The following EPB41L4B variants were observed in gnomAD, a reference collection of about 807,000 sequenced individuals.
EPB41L4B encodes the protein band 4.1-like protein 4B.
Under a neutral mutation model 112.5 loss-of-function variants are expected in EPB41L4B, and 30 were observed. The observed-to-expected ratio is 0.27, with a 90% confidence interval of 0.20 to 0.36. The LOEUF is 0.36. Among genes scored for constraint, EPB41L4B ranks in the 10% least tolerant of loss-of-function variants. The probability of loss-of-function intolerance (pLI) is 1.00; values close to 1 mark genes in which losing one functional copy is unlikely to be tolerated. For missense variants in EPB41L4B, 1,024 were observed against 1,133.3 expected, an observed-to-expected ratio of 0.90 and a Z score of 1.38; for synonymous variants, 408 against 439.7, an observed-to-expected ratio of 0.93 and a Z score of 0.90.
intron 11 of EPB41L4B, among the ~76,000 whole-genome samples, chr9:109,255,194 C>T (rs577295758): frequency 2.2e-4 from 33 of 152,266 alleles, no homozygotes; most frequent in Non-Finnish European, 2.2e-4. Context: ...ATATGACTAG[C>T]GATACTGAAG....
At chr9:109,262,454 T>TGG (rs1446850162) in intron 6 of EPB41L4B, among the ~76,000 whole-genome samples, 6 of 149,738 alleles carry the variant, frequency 4.0e-5, no homozygotes, top group African/African-American at 1.5e-4. Flanking sequence ...TGTGTGGGGG[T>TGG]GTGTGTGTGT....
intron 10 of EPB41L4B, 25 bp from the exon 11 acceptor site, chr9:109,255,705 C>T (rs764257171): frequency 1.3e-5 from 21 of 1,610,432 alleles, no homozygotes; most frequent in South Asian, 1.2e-4. Context: ...ACAAGGGCCT[C>T]GAGTGGGCGT....
chr9:109,214,144 A>G (rs1383858979), intron 16 of EPB41L4B, among the ~76,000 whole-genome samples: 2 of 152,236 alleles, frequency 1.3e-5, no homozygotes, highest in Non-Finnish European at 2.9e-5. Context: ...TCATTTATGT[A>G]TAAATGCTTT....
At chr9:109,213,655 T>A in intron 17 of EPB41L4B, 45 bp downstream of exon 17, 1 of 1,537,904 alleles carries the variant, frequency 6.5e-7, no homozygotes, top group Middle Eastern at 2.1e-4. Flanking sequence ...AGGTTTGATG[T>A]CAGCACCAAG....
intron 25 of EPB41L4B, 91 bp downstream of exon 25, chr9:109,176,460 G>A: frequency 2.2e-6 from 3 of 1,360,920 alleles, no homozygotes. Flanking sequence ...TGTAGGAAAG[G>A]CCTGTACGTG....
At chr9:109,274,748 G>A (rs117995526) in intron 2 of EPB41L4B, among the ~76,000 whole-genome samples, 1 of 152,334 alleles carries the variant, frequency 6.6e-6, no homozygotes, top group Non-Finnish European at 1.5e-5. Context: ...CTGAATCCTG[G>A]CTTTAACCTT....
Position 109,255,591 on chromosome 9 carries a change from T to C in EPB41L4B, c.1089A>G (p.Ala363=), listed in dbSNP as rs371096968. 8 of 1,614,216 alleles carry C rather than the reference T, an allele frequency of 5.0e-6. No homozygotes were observed. The highest frequency in any genetic ancestry group is 2.7e-5 in the African/African-American group (2 of 75,066). The change falls in exon 11 of 26, where the codon GCA becomes GCG. Residue 363 remains alanine, a synonymous_variant. Coordinates refer to ENST00000374566, the MANE Select transcript of EPB41L4B (RefSeq NM_019114.5). ...TTCCTGGCGTCCGCAGTCGGAAGAA[T>C]GCGTGGTGCTCAACTGCACACTTCC... ...HLWKCAVEHH[A]FFRLRTPGNS...
At chr9:109,220,971 C>T (rs1172994702) in intron 15 of EPB41L4B, among the ~76,000 whole-genome samples, 2 of 152,120 alleles carry the variant, frequency 1.3e-5, no homozygotes, top group Non-Finnish European at 2.9e-5. Context: ...TTAGTTCCGC[C>T]CCTACTTTGC....
At chr9:109,287,332 G>C (rs1352127389) in intron 1 of EPB41L4B, among the ~76,000 whole-genome samples, 1 of 152,182 alleles carries the variant, frequency 6.6e-6, no homozygotes, top group African/African-American at 2.4e-5. Flanking sequence ...TGCTGACAAT[G>C]TCTGACTGCA....
Position 109,230,854 on chromosome 9 carries a change from C to CT in EPB41L4B, c.1409+12763dup, listed in dbSNP as rs574157655. ...AGAAGGTTGACTCTACTTCATCTTT[C>CT]TTTTCAGAAAAGGTCAAAATTGGCC... On this transcript the variant is annotated intron_variant, in intron 15 of 25. Coordinates refer to ENST00000374566, the MANE Select transcript of EPB41L4B (RefSeq NM_019114.5). 3.3e-5 allele frequency among the ~76,000 whole-genome samples: 5 copies of CT among 152,258 alleles called. No individual in the cohort carries two copies. In the East Asian group the frequency reaches 5.8e-4, roughly 18 times the overall value.
At chr9:109,230,318 T>C (rs942016136) in intron 15 of EPB41L4B, among the ~76,000 whole-genome samples, 1 of 152,216 alleles carries the variant, frequency 6.6e-6, no homozygotes, top group Non-Finnish European at 1.5e-5. Context: ...CAATACTGCT[T>C]TGCCATGTGT....
chr9:109,252,437 T>C (rs1834824035), intron 12 of EPB41L4B, among the ~76,000 whole-genome samples: 1 of 152,082 alleles, frequency 6.6e-6, no homozygotes, highest in South Asian at 2.1e-4. Context: ...CCCTGGCCTC[T>C]CTCGAAGGGC....
At chr9:109,175,656 G>A (rs1188925468) in intron 25 of EPB41L4B, among the ~76,000 whole-genome samples, 2 of 152,198 alleles carry the variant, frequency 1.3e-5, no homozygotes, top group Non-Finnish European at 2.9e-5. Flanking sequence ...ACAGGCACGA[G>A]CCACCATGCC....
chr9:109,175,611 A>C (rs1831797819), intron 25 of EPB41L4B, among the ~76,000 whole-genome samples: 1 of 151,520 alleles, frequency 6.6e-6, no homozygotes, highest in Non-Finnish European at 1.5e-5. Context: ...GCCTCAACTG[A>C]TCCTCCCACC....
chr9:109,268,301 T>G, intron 3 of EPB41L4B, 90 bp downstream of exon 3: 1 of 1,195,242 alleles, frequency 8.4e-7, no homozygotes, highest in Middle Eastern at 1.9e-4. Flanking sequence ...GCTTCCAAGT[T>G]CTAATGAAAA....
intron 22 of EPB41L4B, among the ~76,000 whole-genome samples, chr9:109,189,041 G>A (rs1347071089): frequency 2.6e-5 from 4 of 152,078 alleles, no homozygotes; most frequent in Non-Finnish European, 5.9e-5. Flanking sequence ...CTCAGTCAAC[G>A]CCAATGCCCC....
At chr9:109,319,786 G>A (rs1437358936) in intron 1 of EPB41L4B, among the ~76,000 whole-genome samples, 2 of 152,098 alleles carry the variant, frequency 1.3e-5, no homozygotes, top group Non-Finnish European at 2.9e-5. Flanking sequence ...CTGGAAGCTA[G>A]GGACGGAAGG....
chr9:109,244,434 CTTTTTTTTTT>C (rs573807379), intron 14 of EPB41L4B, among the ~76,000 whole-genome samples: 27 of 48,510 alleles, frequency 5.6e-4, no homozygotes, highest in African/African-American at 2.6e-3. Context: ...TGAAGGTTGT[CTTTTTTTTTT>C]TTTTTTTTTT....
Position 109,263,054 on chromosome 9 carries a change from T to C in EPB41L4B, c.627A>G (p.Leu209=), listed in dbSNP as rs753599575. The part of the protein sequence containing the change: ...ETAVELAALC[L]QAELGECELP... Reference sequence around the variant, plus strand: ...TACTACTAAAGATTAATGTACCTTGTAGACAGAGAGCAGCTAATTCCACAG... The same window carrying C: ...TACTACTAAAGATTAATGTACCTTGCAGACAGAGAGCAGCTAATTCCACAG... Residue 209 remains leucine, a synonymous_variant, in exon 6 of 26, where the codon CTA becomes CTG. Coordinates refer to ENST00000374566, the MANE Select transcript of EPB41L4B (RefSeq NM_019114.5). 61 of 1,592,464 alleles carry C rather than the reference T, an allele frequency of 3.8e-5. No homozygotes were observed. Among genetic ancestry groups the C allele is most frequent in the Admixed American group, 5.1e-5 (3 of 58,820 alleles).
Sources: gnomAD v4.1 joint callset for allele counts (sites outside exome capture counted in the v4.1 genomes callset) on GRCh38, gnomAD v4.1.1 for gene constraint, MANE v1.5 for transcripts, NCBI Gene and HGNC (gene_info 2026-07-23, HGNC 2026-07-21) for gene names.